Variants in EFR3A observed in about 807,000 individuals in gnomAD.
EFR3A encodes the protein EFR3 homolog A.
A neutral mutation model predicts 104.4 loss-of-function variants in EFR3A; 76 were observed. That is an observed-to-expected ratio of 0.73 (90% CI 0.60 to 0.88). The LOEUF is 0.88. Among genes scored for constraint, EFR3A ranks in the 40% least tolerant of loss-of-function variants. EFR3A has a pLI of 0.00. For missense variants in EFR3A, 985 were observed against 1,012.5 expected (o/e 0.97, Z 0.37); for synonymous variants, 330 against 330.0 (o/e 1.00, Z 0.00).
chr8:131,926,968 G>C (rs912825669), intron 1 of EFR3A, among the ~76,000 whole-genome samples: 1 of 152,020 alleles, frequency 6.6e-6, no homozygotes, highest in African/African-American at 2.4e-5. Flanking sequence ...TTTCTTTCAC[G>C]GAGGGGAAAG....
At chr8:131,967,755 A>T (rs1314344716) in intron 8 of EFR3A, among the ~76,000 whole-genome samples, 2 of 151,620 alleles carry the variant, frequency 1.3e-5, no homozygotes, top group African/African-American at 4.8e-5. Flanking sequence ...TCAGGTACAC[A>T]TGGATAATAT....
At chr8:131,973,382 T>A (rs1057269368) in intron 10 of EFR3A, among the ~76,000 whole-genome samples, 8 of 152,152 alleles carry the variant, frequency 5.3e-5, no homozygotes, top group Non-Finnish European at 8.8e-5. Context: ...ATTGCTTTAA[T>A]GACTTCTAAT....
At chr8:132,010,405 GAGATATATATATATAT>G (rs1401373702) in intron 22 of EFR3A, among the ~76,000 whole-genome samples, 4,182 of 87,982 alleles carry the variant, frequency 0.048, 165 homozygotes, top group Non-Finnish European at 0.064. Context: ...AATCAAGTAT[GAGATATATATATATAT>G]ATATATATAT....
chr8:131,978,431 A>G (rs927686389), intron 12 of EFR3A, among the ~76,000 whole-genome samples: 7 of 152,176 alleles, frequency 4.6e-5, no homozygotes, highest in Admixed American at 1.3e-4. Flanking sequence ...AATAATTTGC[A>G]AACTTAAATT....
At chr8:131,980,089 A>C (rs549274976) in intron 14 of EFR3A, among the ~76,000 whole-genome samples, 2 of 152,170 alleles carry the variant, frequency 1.3e-5, no homozygotes, top group Non-Finnish European at 2.9e-5. Flanking sequence ...TGACACTGCC[A>C]GCTGCCCTTA....
At chr8:131,980,002 GCGGT>G (rs1820523094) in intron 14 of EFR3A, among the ~76,000 whole-genome samples, 1 of 152,042 alleles carries the variant, frequency 6.6e-6, no homozygotes, top group Non-Finnish European at 1.5e-5. Flanking sequence ...AACTTTCTGT[GCGGT>G]TATTATTCGT....
At chr8:131,908,565 G>A (rs1816365733) in intron 1 of EFR3A, among the ~76,000 whole-genome samples, 1 of 152,134 alleles carries the variant, frequency 6.6e-6, no homozygotes, top group African/African-American at 2.4e-5. Flanking sequence ...TCCACTTTGA[G>A]GGAGGCCCTA....
chr8:131,941,032 C>G (rs1481653991), intron 2 of EFR3A, among the ~76,000 whole-genome samples: 32 of 151,916 alleles, frequency 2.1e-4, no homozygotes, highest in Admixed American at 2.1e-3. Flanking sequence ...TGGGCTGCTC[C>G]TGGAGAAGAT....
intron 10 of EFR3A, among the ~76,000 whole-genome samples, chr8:131,970,921 TTCTC>T (rs938638463): frequency 5.9e-5 from 9 of 151,626 alleles, no homozygotes; most frequent in Non-Finnish European, 1.5e-5. Context: ...TCTTCCTCCC[TTCTC>T]TCTCTCTCTG....
intron 18 of EFR3A, among the ~76,000 whole-genome samples, chr8:131,994,305 C>T (rs1821366563): frequency 6.6e-6 from 1 of 151,714 alleles, no homozygotes; most frequent in Non-Finnish European, 1.5e-5. Flanking sequence ...AGTAACTCTG[C>T]TGTTACACTG....
chr8:131,947,162 C>A (rs1217673663), intron 4 of EFR3A, among the ~76,000 whole-genome samples: 1 of 151,978 alleles, frequency 6.6e-6, no homozygotes, highest in East Asian at 1.9e-4. Context: ...GTTGTTTCTC[C>A]ACATCCTCAT....
At chr8:131,927,020 G>T (rs1361327325) in intron 1 of EFR3A, among the ~76,000 whole-genome samples, 1 of 152,112 alleles carries the variant, frequency 6.6e-6, no homozygotes, top group Non-Finnish European at 1.5e-5. Context: ...GTCATTTCTG[G>T]ATTCCTTCTC....
intron 1 of EFR3A, among the ~76,000 whole-genome samples, chr8:131,906,385 G>T (rs1335171995): frequency 1.3e-5 from 2 of 152,142 alleles, no homozygotes; most frequent in Non-Finnish European, 2.9e-5. Flanking sequence ...TGGTTGAGAG[G>T]CTTAGTGATA....
intron 1 of EFR3A, among the ~76,000 whole-genome samples, chr8:131,934,003 A>G (rs78086988): frequency 0.021 from 3,226 of 152,280 alleles, 109 homozygotes; most frequent in African/African-American, 0.071. Context: ...ATTAAAAACA[A>G]GTAGTGAAAT....
intron 5 of EFR3A, among the ~76,000 whole-genome samples, chr8:131,951,982 T>G (rs1457934192): frequency 1.3e-5 from 2 of 152,140 alleles, no homozygotes; most frequent in Non-Finnish European, 2.9e-5. Flanking sequence ...TGTTACCAAA[T>G]AGAACTCCAG....
chr8:131,996,695 T>C (rs1369054595), intron 19 of EFR3A, among the ~76,000 whole-genome samples, 198 bp downstream of exon 19: 2 of 152,084 alleles, frequency 1.3e-5, no homozygotes, highest in Non-Finnish European at 2.9e-5. Context: ...TTCAGCTGTC[T>C]GTAAAGATAT....
chr8:131,970,404 G>A, intron 9 of EFR3A, 72 bp from the exon 10 acceptor site: 2 of 1,372,806 alleles, frequency 1.5e-6, no homozygotes, highest in Non-Finnish European at 2.0e-6. Flanking sequence ...AATCTGTGGA[G>A]AAATAAGGTA....
chr8:131,964,854 G>C (rs905719232), intron 8 of EFR3A, among the ~76,000 whole-genome samples: 1 of 152,008 alleles, frequency 6.6e-6, no homozygotes, highest in African/African-American at 2.4e-5. Flanking sequence ...CATGGTACTG[G>C]TACCAAAACA....
At chr8:131,990,262 G>A (rs895371266) in intron 18 of EFR3A, among the ~76,000 whole-genome samples, 6 of 152,182 alleles carry the variant, frequency 3.9e-5, no homozygotes, top group African/African-American at 1.4e-4. Context: ...TTTTCTCTAA[G>A]AAGATAAATA....
Sources: allele counts gnomAD v4.1 joint callset (sites outside exome capture counted in the v4.1 genomes callset), GRCh38; gene constraint gnomAD v4.1.1; transcripts MANE v1.5; gene names NCBI Gene and HGNC (gene_info 2026-07-23, HGNC 2026-07-21).